Variants in LMCD1 observed in about 807,000 individuals in gnomAD.
LMCD1 encodes the protein LIM and cysteine-rich domains protein 1.
Under a neutral mutation model 42.7 loss-of-function variants are expected in LMCD1, and 32 were observed. That is an observed-to-expected ratio of 0.75 (90% CI 0.57 to 1.01). LMCD1 has a LOEUF of 1.01. Among genes scored for constraint, LMCD1 ranks in the 50% least tolerant of loss-of-function variants. The pLI is 0.00. For synonymous variants in LMCD1, 178 were observed against 184.9 expected, an observed-to-expected ratio of 0.96 and a Z score of 0.30; for missense variants, 458 against 483.1, an observed-to-expected ratio of 0.95 and a Z score of 0.49.
chr3:8,506,138 C>T (rs3774222), intron 1 of LMCD1, among the ~76,000 whole-genome samples: 61,485 of 151,928 alleles, frequency 0.4, 13,272 homozygotes, highest in Non-Finnish European at 0.49. Context: ...TCTGACTATG[C>T]GGAGTTGGGG....
intron 1 of LMCD1, 105 bp downstream of exon 1, chr3:8,502,085 T>A: frequency 2.0e-6 from 2 of 1,000,096 alleles, no homozygotes; most frequent in Non-Finnish European, 2.9e-6. Flanking sequence ...GGGAACTCTT[T>A]AAATTCCAAA....
intron 1 of LMCD1, among the ~76,000 whole-genome samples, chr3:8,524,904 C>G (rs189667943): frequency 6.6e-6 from 1 of 152,136 alleles, no homozygotes; most frequent in African/African-American, 2.4e-5. Context: ...AGACTGGTCT[C>G]AAACTCCTGG....
chr3:8,566,444 A>G (rs939681443), intron 5 of LMCD1, among the ~76,000 whole-genome samples: 1 of 152,220 alleles, frequency 6.6e-6, no homozygotes, highest in Admixed American at 6.5e-5. Flanking sequence ...ATTGGTCACC[A>G]TATGAAGTTA....
At chr3:8,560,790 G>C (rs3774214) in intron 4 of LMCD1, among the ~76,000 whole-genome samples, 20,032 of 152,100 alleles carry the variant, frequency 0.13, 1,777 homozygotes, top group East Asian at 0.38. Flanking sequence ...AGAGGAACAG[G>C]GTTTTCATTT....
intron 4 of LMCD1, among the ~76,000 whole-genome samples, chr3:8,560,345 C>G (rs1695010776): frequency 6.6e-6 from 1 of 152,232 alleles, no homozygotes; most frequent in East Asian, 1.9e-4. Context: ...CACCCATGAT[C>G]ACCCTAAACT....
intron 3 of LMCD1, among the ~76,000 whole-genome samples, chr3:8,543,252 G>A (rs772425419): frequency 3.3e-5 from 5 of 152,142 alleles, no homozygotes; most frequent in African/African-American, 7.2e-5. Context: ...CCTGTTGGCC[G>A]TCCGGCTGCC....
At chr3:8,535,051 A>C (rs924153583) in intron 2 of LMCD1, among the ~76,000 whole-genome samples, 5 of 152,210 alleles carry the variant, frequency 3.3e-5, no homozygotes, top group Admixed American at 2.6e-4. Context: ...CCATTTATGG[A>C]AAGTATTGGG....
Position 8,502,320 on chromosome 3 carries a change from A to ATTATATATATT in LMCD1, c.42+349_42+350insTTTTATATATA, listed in dbSNP as rs1559342112. 1.2e-3 allele frequency among the ~76,000 whole-genome samples: 46 copies of ATTATATATATT among 39,470 alleles called. 2 individuals carry two copies. Among genetic ancestry groups the ATTATATATATT allele is most frequent in the African/African-American group, 5.0e-3 (46 of 9,188 alleles). The allele number at this position is 39,470 out of a possible 152,430, so 25.9% of individuals were successfully genotyped here. ...ATTATATATAATATATAAAATATATATTATATATAATATATATTATATATA... is the reference window on the plus strand; with the variant it reads ...ATTATATATAATATATAAAATATATATTATATATATTTTATATATAATATATATTATATATA... On this transcript the variant is annotated intron_variant, in intron 1 of 5. Transcript: ENST00000157600.
chr3:8,550,399 GCCAGGCGAC>G, intron 4 of LMCD1: 1 of 984,060 alleles, frequency 1.0e-6, no homozygotes. Flanking sequence ...TCACACATGA[GCCAGGCGAC>G]CCAGGGAAAT....
rs1167043974 is a variant in LMCD1, at chr3:8,574,369, T to G, written c.*6771T>G. ...TCTCATGAAGCAGTCCCCTTTATTTTAAAAAAGTCCCTGTGAGAGCAACAG... is the reference window on the plus strand; with the variant it reads ...TCTCATGAAGCAGTCCCCTTTATTTGAAAAAAGTCCCTGTGAGAGCAACAG... On this transcript the variant is annotated 3_prime_UTR_variant, in exon 6 of 6. Coordinates refer to ENST00000157600, the MANE Select transcript of LMCD1 (RefSeq NM_014583.4). 7 of 152,210 alleles carry G rather than the reference T, an allele frequency of 4.6e-5. No homozygotes were observed. The highest frequency in any genetic ancestry group is 1.0e-4 in the Non-Finnish European group (7 of 68,110). The allele number at this position is 152,210 out of a possible 1,614,324, so 9.4% of individuals were successfully genotyped here.
rs142328384 is a variant in LMCD1, at chr3:8,526,105, CAG to C, written c.43-6629_43-6628del. ...AGATCCCAGGTGATTTTGTGCTAAT[CAG>C]AGTGTTTACTTAATTTAAGGAGCAC... On this transcript the variant is annotated intron_variant, in intron 1 of 5. Coordinates refer to ENST00000157600, the MANE Select transcript of LMCD1 (RefSeq NM_014583.4). Among the ~76,000 whole-genome samples, 3 of 152,292 alleles carry C rather than the reference CAG, an allele frequency of 2.0e-5. No individual in the cohort carries two copies. The East Asian group carries it at 5.8e-4, about 29-fold the overall frequency.
intron 3 of LMCD1, among the ~76,000 whole-genome samples, chr3:8,538,220 G>A (rs1194486966): frequency 6.6e-6 from 1 of 152,086 alleles, no homozygotes; most frequent in Non-Finnish European, 1.5e-5. Flanking sequence ...ATCTCAACAT[G>A]GGTAGATATC....
intron 4 of LMCD1, chr3:8,551,322 C>T: frequency 1.0e-6 from 1 of 985,382 alleles, no homozygotes. Flanking sequence ...TTTGGATGGC[C>T]AATTTGCCTA....
chr3:8,549,025 A>C, intron 4 of LMCD1, 122 bp downstream of exon 4: 1 of 714,950 alleles, frequency 1.4e-6, no homozygotes, highest in Non-Finnish European at 2.2e-6. Flanking sequence ...TTGTGCATTC[A>C]GCAGATATTG....
At chr3:8,547,925 GGT>G (rs1694768920) in intron 3 of LMCD1, among the ~76,000 whole-genome samples, 1 of 152,036 alleles carries the variant, frequency 6.6e-6, no homozygotes, top group Non-Finnish European at 1.5e-5. Context: ...AAACCTAGAT[GGT>G]GTAGCCTGCT....
At chr3:8,541,796 A>G (rs921751978) in intron 3 of LMCD1, among the ~76,000 whole-genome samples, 1 of 152,086 alleles carries the variant, frequency 6.6e-6, no homozygotes, top group African/African-American at 2.4e-5. Context: ...TGTCCCTGTC[A>G]TCCCCTTCCC....
At chr3:8,560,893 C>G (rs1448799851) in intron 4 of LMCD1, among the ~76,000 whole-genome samples, 3 of 152,102 alleles carry the variant, frequency 2.0e-5, no homozygotes, top group African/African-American at 7.2e-5. Context: ...CAGTCAGGAT[C>G]CAGTTCAAGA....
At chr3:8,542,718 A>G (rs1694649690) in intron 3 of LMCD1, among the ~76,000 whole-genome samples, 1 of 152,222 alleles carries the variant, frequency 6.6e-6, no homozygotes, top group Non-Finnish European at 1.5e-5. Context: ...GAAGGGCTTG[A>G]GACCCATGCT....
chr3:8,538,056 G>A (rs548076503), intron 3 of LMCD1, among the ~76,000 whole-genome samples: 3 of 152,232 alleles, frequency 2.0e-5, no homozygotes, highest in East Asian at 3.9e-4. Flanking sequence ...TGGAATCCCC[G>A]GGACCTGCAG....
Sources: gnomAD v4.1 joint callset for allele counts (sites outside exome capture counted in the v4.1 genomes callset) on GRCh38, gnomAD v4.1.1 for gene constraint, MANE v1.5 for transcripts, NCBI Gene and HGNC (gene_info 2026-07-23, HGNC 2026-07-21) for gene names.